SMARCA4: variants seen among roughly 807,000 people sequenced by gnomAD.
SMARCA4 encodes the protein SWI/SNF related BAF chromatin remodeling complex subunit ATPase 4, also known as SWI/SNF-related matrix-associated actin-dependent regulator of chromatin subfamily A member 4.
SMARCA4 carries 31 observed loss-of-function variants against 193.9 expected under a neutral mutation model. The observed-to-expected ratio is 0.16, with a 90% CI of 0.12 to 0.22. The LOEUF (loss-of-function observed/expected upper bound fraction) is 0.22, where lower values mean the gene tolerates loss of function less well. Ranked by LOEUF, SMARCA4 falls within the 10% of genes least tolerant of loss-of-function variation. The probability of loss-of-function intolerance (pLI) is 1.00; values close to 1 mark genes in which losing one functional copy is unlikely to be tolerated. For synonymous variants in SMARCA4, 942 were observed against 933.1 expected, an observed-to-expected ratio of 1.01 and a Z score of -0.17; for missense variants, 1,148 against 2,296.0, an observed-to-expected ratio of 0.50 and a Z score of 10.22.
chr19:10,995,271 C>G, intron 9 of SMARCA4: 3 of 605,838 alleles, frequency 5.0e-6, no homozygotes, highest in South Asian at 4.6e-5. Context: ...CCCCTTCCCT[C>G]GTTCTGTGAG....
intron 8 of SMARCA4, among the ~76,000 whole-genome samples, chr19:10,992,922 C>T (rs2086684435): frequency 6.7e-6 from 1 of 148,648 alleles, no homozygotes; most frequent in Admixed American, 6.7e-5. Flanking sequence ...TTATTTCAGC[C>T]TTTTTTCTTG....
Position 11,030,764 on chromosome 19 carries a change from G to T in SMARCA4, c.3417G>T (p.Leu1139=). Residue 1139 remains leucine, a synonymous_variant, in exon 25 of 35, where the codon CTG becomes CTT. Transcript: ENST00000344626. The surrounding 1 kb of genome is among the most constrained non-coding windows in gnomAD (Gnocchi z 5.5). The stretch of plus-strand genomic sequence containing the variant: ...AGGCGGAGGACCGGGGCATGCTGCT[G>T]AAAACCTTCAACGAGCCCGGCTCTG... ...TTKAEDRGML[L]KTFNEPGSEY... 6.2e-7 allele frequency: 1 copy of T among 1,611,924 alleles called. No homozygotes were observed.
intron 1 of SMARCA4, among the ~76,000 whole-genome samples, chr19:10,961,975 T>A (rs907590624): frequency 6.6e-5 from 10 of 150,674 alleles, no homozygotes; most frequent in African/African-American, 2.4e-4. Flanking sequence ...AGTCTTGATT[T>A]TTTTTTTTTT....
At chr19:11,060,342 A>G in intron 34 of SMARCA4, 155 bp downstream of exon 34, 1 of 935,598 alleles carries the variant, frequency 1.1e-6, no homozygotes, top group Non-Finnish European at 1.7e-6. Flanking sequence ...CAGGTCACAC[A>G]GCCAGTATGT....
chr19:11,031,324 C>T lies in SMARCA4; in HGVS notation c.3546+431C>T, dbSNP rs1344750612. 4.1e-6 allele frequency: 1 copy of T among 246,426 alleles called. No individual in the cohort carries two copies. Among genetic ancestry groups the T allele is most frequent in the African/African-American group, 2.2e-5 (1 of 45,296 alleles). The allele number at this position is 246,426 out of a possible 1,614,324, so 15.3% of individuals were successfully genotyped here. A position where few individuals can be genotyped will look rare whatever the true frequency, so the allele number is the denominator to read the frequency against. On this transcript the variant is annotated intron_variant, in intron 25 of 34. Transcript: ENST00000344626. The surrounding 1 kb of genome is among the most constrained non-coding windows in gnomAD (Gnocchi z 4.3). ...TTTACTTCCTCCTCTTGTTCCATAA[C>T]CATGTACCCCTCATGGGCCTCGGCA...
At chr19:11,023,759 C>T (rs1473820269) in intron 20 of SMARCA4, 128 bp downstream of exon 20, 4 of 712,334 alleles carry the variant, frequency 5.6e-6, no homozygotes, top group African/African-American at 1.7e-5. Context: ...TTGGGGGTGG[C>T]GATGACGCCA....
At position 11,034,283 on chromosome 19, in the gene SMARCA4, G is replaced by A; in HGVS notation, c.3951+83G>A. The A allele has an allele frequency of 9.1e-7, 1 of 1,094,332 alleles. No homozygotes were observed. The highest frequency in any genetic ancestry group is 2.4e-5 in the East Asian group (1 of 41,924). 67.8% of individuals were successfully genotyped at this position (1,094,332 alleles called of 1,614,324 possible). On this transcript the variant is annotated intron_variant, in intron 28 of 34. Coordinates refer to ENST00000344626, the MANE Select transcript of SMARCA4 (RefSeq NM_003072.5). This position sits in a 1 kb window ranked among gnomAD's most constrained non-coding sequence, Gnocchi z 7.0. ...GCAAAGCAGACGTCCTAGTGCCCAT[G>A]GTGGTATCCCTAGCAGGTCAGGGAG...
rs529874066 is a variant in SMARCA4 at position 11,041,011 on chromosome 19, G to A, written c.4171-296G>A. The stretch of plus-strand genomic sequence containing the variant: ...CCGGGTGAAGGGATTTCAGGAGCAC[G>A]TTCTTTTCTGTACAGAGAAGATAGT... On this transcript the variant is annotated intron_variant, in intron 29 of 34. Coordinates refer to ENST00000344626, the MANE Select transcript of SMARCA4 (RefSeq NM_003072.5). The surrounding 1 kb of genome is among the most constrained non-coding windows in gnomAD (Gnocchi z 5.6). 1.1e-5 allele frequency: 4 copies of A among 379,042 alleles called. No individual in the cohort carries two copies. Among genetic ancestry groups the A allele is most frequent in the South Asian group, 4.8e-5 (1 of 20,808 alleles). 23.5% of individuals were successfully genotyped at this position (379,042 alleles called of 1,614,324 possible).
chr19:10,964,650 TTCTGTCGCC>T (rs1246847738), intron 1 of SMARCA4, among the ~76,000 whole-genome samples: 3 of 150,562 alleles, frequency 2.0e-5, no homozygotes, highest in African/African-American at 7.3e-5. Context: ...GACAGAGTCA[TTCTGTCGCC>T]CAGGCTGGAG....
chr19:11,047,950 C>T (rs2076040737), intron 30 of SMARCA4, among the ~76,000 whole-genome samples: 1 of 152,174 alleles, frequency 6.6e-6, no homozygotes. Flanking sequence ...GGCGAAGTTA[C>T]ATTCTTTTTT....
At chr19:11,003,520 C>A in intron 13 of SMARCA4, 123 bp downstream of exon 13, 1 of 915,736 alleles carries the variant, frequency 1.1e-6, no homozygotes, top group Non-Finnish European at 1.8e-6. Flanking sequence ...CAGCAGGGCC[C>A]AGGCCTGCCC....
In SMARCA4 at chr19:11,027,959, G is replaced by A. The variant is rs1031818120; in HGVS notation, c.3382+9G>A. 9 of 1,613,844 alleles carry A rather than the reference G, an allele frequency of 5.6e-6. No individual in the cohort carries two copies. Among genetic ancestry groups the A allele is most frequent in the Non-Finnish European group, 7.6e-6 (9 of 1,179,746 alleles). On this transcript the variant is annotated intron_variant, in intron 24 of 34. Transcript: ENST00000344626. ...ATACCTCAGGCTTGATGGTGAGTAT[G>A]AGCCAGTGAGGCGTTTCTTACAGGG...
At chr19:11,024,760 C>A (rs931670540) in intron 21 of SMARCA4, among the ~76,000 whole-genome samples, 31 of 152,260 alleles carry the variant, frequency 2.0e-4, no homozygotes, top group African/African-American at 7.5e-4. Flanking sequence ...CGGGCTGTCT[C>A]CTGCAGGGGC....
intron 12 of SMARCA4, 29 bp downstream of exon 12, chr19:11,003,188 G>T (rs377395036): frequency 1.8e-4 from 292 of 1,613,788 alleles, no homozygotes; most frequent in Non-Finnish European, 2.4e-4. Context: ...TCCAGATGCA[G>T]TGGGGATCCA....
chr19:11,053,257 G>T (rs2076359961), intron 30 of SMARCA4, among the ~76,000 whole-genome samples: 1 of 152,150 alleles, frequency 6.6e-6, no homozygotes. Context: ...GCCAAGGCTG[G>T]CGAATCGCTG....
intron 1 of SMARCA4, chr19:10,983,428 G>A (rs1167979386): frequency 6.6e-6 from 1 of 151,162 alleles, no homozygotes; most frequent in Non-Finnish European, 1.5e-5. Context: ...TTCGGTTAGA[G>A]GCTTGTTTTT....
intron 11 of SMARCA4, among the ~76,000 whole-genome samples, chr19:11,001,476 T>C (rs546583740): frequency 7.2e-6 from 1 of 139,374 alleles, no homozygotes; most frequent in South Asian, 2.4e-4. Context: ...ATTAAAAATC[T>C]TAAAAAGCGA....
At chr19:11,039,228 C>T (rs780347427) in intron 29 of SMARCA4, among the ~76,000 whole-genome samples, 1 of 152,138 alleles carries the variant, frequency 6.6e-6, no homozygotes, top group Non-Finnish European at 1.5e-5. Flanking sequence ...GTGGTGGGCA[C>T]CTGTCATCCC....
intron 14 of SMARCA4, among the ~76,000 whole-genome samples, chr19:11,009,699 T>TC (rs1418603636): frequency 6.6e-6 from 1 of 150,802 alleles, no homozygotes; most frequent in Non-Finnish European, 1.5e-5. Flanking sequence ...TTTTTTTTTT[T>TC]TTTTTTTGAG....
Sources: gnomAD v4.1 joint callset for allele counts (sites outside exome capture counted in the v4.1 genomes callset) on GRCh38, gnomAD v4.1.1 for gene constraint, Gnocchi (gnomAD v3.1) non-coding constraint, MANE v1.5 for transcripts, NCBI Gene and HGNC (gene_info 2026-07-23, HGNC 2026-07-21) for gene names.